The following NEUROG2 variants were observed in gnomAD, a reference collection of about 807,000 sequenced individuals.
The protein encoded by NEUROG2 is neurogenin 2.
A neutral mutation model predicts 2.8 loss-of-function variants in NEUROG2; 1 was observed. The observed-to-expected ratio is 0.36, with a 90% CI of 0.13 to 1.71. The LOEUF is 1.71. Ranked by LOEUF, NEUROG2 falls within the 40% of genes most tolerant of loss-of-function variation. The probability of loss-of-function intolerance (pLI) is 0.34; values close to 1 mark genes in which losing one functional copy is unlikely to be tolerated. For missense variants in NEUROG2, 397 were observed against 392.7 expected (o/e 1.01, Z -0.09); for synonymous variants, 211 against 187.7 (o/e 1.12, Z -1.01).
In NEUROG2 at chr4:112,514,856, C is replaced by T. The variant is rs1245679241; in HGVS notation, c.620G>A (p.Ser207Asn). 1 of 1,594,248 alleles carries T rather than the reference C, an allele frequency of 6.3e-7. No individual in the cohort carries two copies. Among genetic ancestry groups the T allele is most frequent in the Admixed American group, 1.8e-5 (1 of 54,134 alleles). Residue 207 changes from serine (S) to asparagine (N), a missense_variant, in exon 2 of 2, where the codon AGC (serine) becomes AAC (asparagine). Coordinates refer to ENST00000313341, the MANE Select transcript of NEUROG2 (RefSeq NM_024019.4). Reference sequence around the variant, plus strand: ...ACTCCACGTGGAGGCGGGCGAGGGGCTGTCTCCGCTGCTGCTCAGGGCGGC... The same window carrying T: ...ACTCCACGTGGAGGCGGGCGAGGGGTTGTCTCCGCTGCTGCTCAGGGCGGC... ...ASAALSSSGDSPSPASTWSCT... is the reference protein window; with the variant it reads ...ASAALSSSGDNPSPASTWSCT...
chr4:112,515,353 C>G lies in NEUROG2; in HGVS notation c.123G>C (p.Glu41Asp). 1.3e-6 allele frequency: 2 copies of G among 1,492,552 alleles called. No homozygotes were observed. Among genetic ancestry groups the G allele is most frequent in the South Asian group, 2.7e-5 (2 of 73,636 alleles). The allele number at this position is 1,492,552 out of a possible 1,614,324, so 92.5% of individuals were successfully genotyped here. A position where few individuals can be genotyped will look rare whatever the true frequency, so the allele number is the denominator to read the frequency against. The change falls in exon 2 of 2, where the codon GAG becomes GAC. Residue 41 changes from glutamate to aspartate, a missense_variant. By Grantham distance (45) the Glu-to-Asp change is conservative. Coordinates refer to ENST00000313341, the MANE Select transcript of NEUROG2 (RefSeq NM_024019.4). ...TPLSSSADEE[E>D]EEEPGASGGA... ...CGCCTGACGCGCCCGGCTCCTCCTC[C>G]TCTTCTTCGTCGGCGCTGGATGACA... is the stretch of plus-strand genomic sequence containing the variant.
intron 1 of NEUROG2, 96 bp from the exon 2 acceptor site, chr4:112,515,572 C>T: frequency 9.3e-7 from 1 of 1,076,986 alleles, no homozygotes; most frequent in Non-Finnish European, 1.3e-6. Context: ...GGCGCGCACC[C>T]GAGAAGACCA....
Position 112,514,288 on chromosome 4 carries a change from T to A in NEUROG2, c.*369A>T. The A allele has an allele frequency of 9.0e-6, 2 of 222,858 alleles. No individual in the cohort carries two copies. The highest frequency in any genetic ancestry group is 9.3e-5 in the East Asian group (1 of 10,772). The allele number at this position is 222,858 out of a possible 1,614,324, so 13.8% of individuals were successfully genotyped here. Reference sequence around the variant, plus strand: ...TTCCCCCTGTGAGATTCACACGAACTGCACCAAGTCCTTCGGCGTTAAAGA... The same window carrying A: ...TTCCCCCTGTGAGATTCACACGAACAGCACCAAGTCCTTCGGCGTTAAAGA... On this transcript the variant is annotated 3_prime_UTR_variant, in exon 2 of 2. Coordinates refer to ENST00000313341, the MANE Select transcript of NEUROG2 (RefSeq NM_024019.4).
Position 112,515,299 on chromosome 4 carries a change from G to A in NEUROG2, c.177C>T (p.Ala59=), listed in dbSNP as rs1028635299. ...GGARRQRGAE[A]GQGARGGVAA... ...CCACGCCGCCCCGCGCCCCCTGCCC[G>A]GCCTCAGCCCCGCGCTGCCGACGCG... The change falls in exon 2 of 2, where the codon GCC becomes GCT. Residue 59 remains alanine (A), a synonymous_variant. Coordinates refer to ENST00000313341, the MANE Select transcript of NEUROG2 (RefSeq NM_024019.4). 6 of 1,464,802 alleles carry A rather than the reference G, an allele frequency of 4.1e-6. No individual in the cohort carries two copies. The highest frequency in any genetic ancestry group is 5.4e-6 in the Non-Finnish European group (6 of 1,120,196). The allele number at this position is 1,464,802 out of a possible 1,614,324, so 90.7% of individuals were successfully genotyped here.
At chr4:112,515,724 C>G (rs1736429147) in intron 1 of NEUROG2, 123 bp downstream of exon 1, 1 of 339,278 alleles carries the variant, frequency 2.9e-6, no homozygotes, top group African/African-American at 2.2e-5. Context: ...GCGTTCCCTC[C>G]CCGAGAAGGG....
chr4:112,515,707 C>A, intron 1 of NEUROG2, 140 bp downstream of exon 1: 2 of 361,884 alleles, frequency 5.5e-6, no homozygotes, highest in Non-Finnish European at 9.9e-6. Flanking sequence ...CCTCCGCGGG[C>A]GGTCCTGCGT....
In NEUROG2 at chr4:112,514,379, GGTCTTTTTC is replaced by G; in HGVS notation, c.*269_*277del. 2 of 370,172 alleles carry G rather than the reference GGTCTTTTTC, an allele frequency of 5.4e-6. No homozygotes were observed. Among genetic ancestry groups the G allele is most frequent in the Non-Finnish European group, 9.6e-6 (2 of 209,360 alleles). The allele number at this position is 370,172 out of a possible 1,614,324, so 22.9% of individuals were successfully genotyped here. ...ATATGCCACCATCATCTCTTCCCAG[GGTCTTTTTC>G]GTCTCAAGAAGCGCCCCCAAAACGC... On this transcript the variant is annotated 3_prime_UTR_variant, in exon 2 of 2. Coordinates refer to ENST00000313341, the MANE Select transcript of NEUROG2 (RefSeq NM_024019.4).
Position 112,514,997 on chromosome 4 carries a change from T to C in NEUROG2, c.479A>G (p.Tyr160Cys), listed in dbSNP as rs1265774264. ...KIETLRFAHN[Y>C]IWALTETLRL... is the part of the protein sequence containing the mutation. ...CAGGGTCTCGGTGAGTGCCCAGATG[T>C]AGTTGTGGGCGAAGCGCAGGGTCTC... Residue 160 changes from tyrosine (Y) to cysteine (C), a missense_variant, in exon 2 of 2, where the codon TAC becomes TGC. Tyr to Cys is a radical substitution (Grantham distance 194). Coordinates refer to ENST00000313341, the MANE Select transcript of NEUROG2 (RefSeq NM_024019.4). 1 of 1,613,058 alleles carries C rather than the reference T, an allele frequency of 6.2e-7. No homozygotes were observed. The highest frequency in any genetic ancestry group is 8.5e-7 in the Non-Finnish European group (1 of 1,179,662).
In NEUROG2 at chr4:112,514,243, G is replaced by C. The variant is rs191976821; in HGVS notation, c.*414C>G. 103 of 184,700 alleles carry C rather than the reference G, an allele frequency of 5.6e-4. No individual in the cohort carries two copies. The highest frequency in any genetic ancestry group is 1.7e-3 in the African/African-American group (75 of 42,926). The allele number at this position is 184,700 out of a possible 1,614,324, so 11.4% of individuals were successfully genotyped here. ...CTCTATGTAGAAGCAAAGGTGAAGA[G>C]ATCACAGGAACCAGTTGCATTCCCC... On this transcript the variant is annotated 3_prime_UTR_variant, in exon 2 of 2. Coordinates refer to ENST00000313341, the MANE Select transcript of NEUROG2 (RefSeq NM_024019.4).
Position 112,513,807 on chromosome 4 carries a change from C to A in NEUROG2, c.*850G>T, listed in dbSNP as rs1395661641. 1 of 152,700 alleles carries A rather than the reference C, an allele frequency of 6.5e-6. No homozygotes were observed. Among genetic ancestry groups the A allele is most frequent in the Non-Finnish European group, 1.5e-5 (1 of 68,028 alleles). The allele number at this position is 152,700 out of a possible 1,614,324, so 9.5% of individuals were successfully genotyped here. A position where few individuals can be genotyped will look rare whatever the true frequency, so the allele number is the denominator to read the frequency against. On this transcript the variant is annotated 3_prime_UTR_variant, in exon 2 of 2. Coordinates refer to ENST00000313341, the MANE Select transcript of NEUROG2 (RefSeq NM_024019.4). ...ATAAATAATACATGAGGCAATCCTCCCTCCTGATTTTTCCCTTTTCCTCCA... is the reference window on the plus strand; with the variant it reads ...ATAAATAATACATGAGGCAATCCTCACTCCTGATTTTTCCCTTTTCCTCCA...
At position 112,515,074 on chromosome 4, in the gene NEUROG2, C is replaced by A. The variant is rs1736400406; in HGVS notation, c.402G>T (p.Ala134=). ...RMHNLNAALD[A]LREVLPTFPE... is the part of the protein sequence containing the mutation. ...GGAACGTGGGGAGCACCTCGCGCAG[C>A]GCGTCCAGTGCCGCGTTGAGGTTGT... is the stretch of plus-strand genomic sequence containing the variant. The change falls in exon 2 of 2, where the codon GCG becomes GCT. Residue 134 remains alanine, a synonymous_variant. Coordinates refer to ENST00000313341, the MANE Select transcript of NEUROG2 (RefSeq NM_024019.4). The A allele has an allele frequency of 1.9e-6, 3 of 1,613,990 alleles. No individual in the cohort carries two copies. The highest frequency in any genetic ancestry group is 2.5e-6 in the Non-Finnish European group (3 of 1,179,920).
rs1383383818 is a variant in NEUROG2 at position 112,514,338 on chromosome 4, T to A, written c.*319A>T. ...AGAAAGGGGAGGAGCGTCAGTCCGCTCTGCAAACTCTTTAGATATGCCACC... is the reference window on the plus strand; with the variant it reads ...AGAAAGGGGAGGAGCGTCAGTCCGCACTGCAAACTCTTTAGATATGCCACC... On this transcript the variant is annotated 3_prime_UTR_variant, in exon 2 of 2. Transcript: ENST00000313341. 1.3e-5 allele frequency: 4 copies of A among 301,178 alleles called. No individual in the cohort carries two copies. The highest frequency in any genetic ancestry group is 1.2e-5 in the Non-Finnish European group (2 of 164,754). 18.7% of individuals were successfully genotyped at this position (301,178 alleles called of 1,614,324 possible).
Position 112,514,232 on chromosome 4 carries a change from A to G in NEUROG2, c.*425T>C, listed in dbSNP as rs961207920. 5.7e-6 allele frequency: 1 copy of G among 176,454 alleles called. No individual in the cohort carries two copies. Among genetic ancestry groups the G allele is most frequent in the Non-Finnish European group, 1.2e-5 (1 of 84,460 alleles). 10.9% of individuals were successfully genotyped at this position (176,454 alleles called of 1,614,324 possible). A position where few individuals can be genotyped will look rare whatever the true frequency, so the allele number is the denominator to read the frequency against. ...GACATTAACATCTCTATGTAGAAGC[A>G]AAGGTGAAGAGATCACAGGAACCAG... On this transcript the variant is annotated 3_prime_UTR_variant, in exon 2 of 2. Coordinates refer to ENST00000313341, the MANE Select transcript of NEUROG2 (RefSeq NM_024019.4).
chr4:112,515,496 G>A lies in NEUROG2; in HGVS notation c.-1-20C>T, dbSNP rs751808782. On this transcript the variant is annotated intron_variant, in intron 1 of 1. Coordinates refer to ENST00000313341, the MANE Select transcript of NEUROG2 (RefSeq NM_024019.4). ...AACATCCTACCGAAGAGAGAAAGGGGAAAAAGGCAGTGAGGTGTAAGGAAA... is the reference window on the plus strand; with the variant it reads ...AACATCCTACCGAAGAGAGAAAGGGAAAAAAGGCAGTGAGGTGTAAGGAAA... 3 of 1,504,068 alleles carry A rather than the reference G, an allele frequency of 2.0e-6. No individual in the cohort carries two copies. Among genetic ancestry groups the A allele is most frequent in the African/African-American group, 1.5e-5 (1 of 68,702 alleles). 93.2% of individuals were successfully genotyped at this position (1,504,068 alleles called of 1,614,324 possible). A position where few individuals can be genotyped will look rare whatever the true frequency, so the allele number is the denominator to read the frequency against.
At position 112,515,291 on chromosome 4, in the gene NEUROG2, C is replaced by A; in HGVS notation, c.185G>T (p.Gly62Val). The change falls in exon 2 of 2, where the codon GGG becomes GTG. Residue 62 changes from glycine (G) to valine (V), a missense_variant. Transcript: ENST00000313341. ...ACCCGCAGCCACGCCGCCCCGCGCCCCCTGCCCGGCCTCAGCCCCGCGCTG... is the reference window on the plus strand; with the variant it reads ...ACCCGCAGCCACGCCGCCCCGCGCCACCTGCCCGGCCTCAGCCCCGCGCTG... ...RRQRGAEAGQ[G>V]ARGGVAAGAE... 1 of 1,474,444 alleles carries A rather than the reference C, an allele frequency of 6.8e-7. No homozygotes were observed. The highest frequency in any genetic ancestry group is 8.9e-7 in the Non-Finnish European group (1 of 1,123,894). 91.3% of individuals were successfully genotyped at this position (1,474,444 alleles called of 1,614,324 possible).
In NEUROG2 at chr4:112,515,345, T is replaced by G; in HGVS notation, c.131A>C (p.Glu44Ala). Residue 44 changes from glutamate (E) to alanine (A), a missense_variant, in exon 2 of 2, where the codon GAG becomes GCG. Physicochemically the swap from Glu to Ala is moderately radical, Grantham distance 107. Transcript: ENST00000313341. ...ACGCGCCCCGCCTGACGCGCCCGGCTCCTCCTCCTCTTCTTCGTCGGCGCT... is the reference window on the plus strand; with the variant it reads ...ACGCGCCCCGCCTGACGCGCCCGGCGCCTCCTCCTCTTCTTCGTCGGCGCT... ...SSSADEEEEE[E>A]PGASGGARRQ... 1 of 1,482,542 alleles carries G rather than the reference T, an allele frequency of 6.7e-7. No individual in the cohort carries two copies. The highest frequency in any genetic ancestry group is 1.4e-5 in the South Asian group (1 of 72,026). 91.8% of individuals were successfully genotyped at this position (1,482,542 alleles called of 1,614,324 possible). A position where few individuals can be genotyped will look rare whatever the true frequency, so the allele number is the denominator to read the frequency against.
Position 112,514,614 on chromosome 4 carries a change from G to A in NEUROG2, c.*43C>T, listed in dbSNP as rs957308105. ...GGAGGGCTCGACTGGGGACAGGAAAGGGAACCCACTAAGGCCTGGCGTGGG... is the reference window on the plus strand; with the variant it reads ...GGAGGGCTCGACTGGGGACAGGAAAAGGAACCCACTAAGGCCTGGCGTGGG... On this transcript the variant is annotated 3_prime_UTR_variant, in exon 2 of 2. Coordinates refer to ENST00000313341, the MANE Select transcript of NEUROG2 (RefSeq NM_024019.4). The A allele has an allele frequency of 6.9e-7, 1 of 1,455,924 alleles. No homozygotes were observed. Among genetic ancestry groups the A allele is most frequent in the Non-Finnish European group, 9.1e-7 (1 of 1,100,152 alleles). 90.2% of individuals were successfully genotyped at this position (1,455,924 alleles called of 1,614,324 possible).
At position 112,514,417 on chromosome 4, in the gene NEUROG2, C is replaced by T; in HGVS notation, c.*240G>A. The T allele has an allele frequency of 5.0e-6, 2 of 401,938 alleles. No individual in the cohort carries two copies. The highest frequency in any genetic ancestry group is 8.7e-6 in the Non-Finnish European group (2 of 230,816). 24.9% of individuals were successfully genotyped at this position (401,938 alleles called of 1,614,324 possible). On this transcript the variant is annotated 3_prime_UTR_variant, in exon 2 of 2. Coordinates refer to ENST00000313341, the MANE Select transcript of NEUROG2 (RefSeq NM_024019.4). ...TCAAGAAGCGCCCCCAAAACGCCAC[C>T]CTTGGCTTTGACAATAAGCTCCATC...
At position 112,514,525 on chromosome 4, in the gene NEUROG2, G is replaced by T. The variant is rs1736379846; in HGVS notation, c.*132C>A. 1 of 649,456 alleles carries T rather than the reference G, an allele frequency of 1.5e-6. No individual in the cohort carries two copies. The highest frequency in any genetic ancestry group is 2.4e-6 in the Non-Finnish European group (1 of 423,444). 40.2% of individuals were successfully genotyped at this position (649,456 alleles called of 1,614,324 possible). A position where few individuals can be genotyped will look rare whatever the true frequency, so the allele number is the denominator to read the frequency against. ...AAGAAACAACCGAGGAATCAGAAAGGCTACACCTGCCCTGTGAAGTGAGAT... is the reference window on the plus strand; with the variant it reads ...AAGAAACAACCGAGGAATCAGAAAGTCTACACCTGCCCTGTGAAGTGAGAT... On this transcript the variant is annotated 3_prime_UTR_variant, in exon 2 of 2. Coordinates refer to ENST00000313341, the MANE Select transcript of NEUROG2 (RefSeq NM_024019.4).
Sources: allele counts gnomAD v4.1 joint callset, GRCh38; gene constraint gnomAD v4.1.1; transcripts MANE v1.5; gene names NCBI Gene and HGNC (gene_info 2026-07-23, HGNC 2026-07-21).